Variants in STYXL1 observed in about 807,000 individuals in gnomAD.
The protein encoded by STYXL1 is serine/threonine/tyrosine-interacting-like protein 1.
A neutral mutation model predicts 36.4 loss-of-function variants in STYXL1; 32 were observed. The observed-to-expected ratio is 0.88, with a 90% CI of 0.66 to 1.18. The LOEUF is 1.18. STYXL1 is among the 50% of genes most tolerant of loss of function. The pLI, the probability that STYXL1 is intolerant of heterozygous loss-of-function variation, is 0.00. For missense variants in STYXL1, 354 were observed against 394.1 expected (o/e 0.90, Z 0.86); for synonymous variants, 133 against 144.1 (o/e 0.92, Z 0.55).
At chr7:76,039,226 G>A (rs1554581550) in intron 1 of STYXL1, among the ~76,000 whole-genome samples, 3 of 149,192 alleles carry the variant, frequency 2.0e-5, no homozygotes, top group African/African-American at 7.8e-5. Flanking sequence ...GTGAGTCACC[G>A]CACCCGGCCA....
At chr7:76,002,886 T>C (rs1791150104) in intron 7 of STYXL1, among the ~76,000 whole-genome samples, 1 of 152,070 alleles carries the variant, frequency 6.6e-6, no homozygotes, top group South Asian at 2.1e-4. Context: ...ATTGTGCCAC[T>C]ACACTCCAGC....
intron 3 of STYXL1, among the ~76,000 whole-genome samples, chr7:76,022,324 A>T (rs1794175346): frequency 6.6e-6 from 1 of 152,270 alleles, no homozygotes; most frequent in Middle Eastern, 3.4e-3. Flanking sequence ...AATTAGTGAT[A>T]TCCTTTCTCA....
chr7:76,019,927 CAAAAAAAAAAA>C (rs58018497), intron 4 of STYXL1, among the ~76,000 whole-genome samples: 1 of 82,346 alleles, frequency 1.2e-5, no homozygotes, highest in Non-Finnish European at 2.9e-5. Flanking sequence ...GACCCTGACT[CAAAAAAAAAAA>C]AAAAAAAAGA....
At chr7:76,025,032 T>C (rs1794524862) in intron 3 of STYXL1, among the ~76,000 whole-genome samples, 1 of 148,556 alleles carries the variant, frequency 6.7e-6, no homozygotes, top group South Asian at 2.1e-4. Context: ...ATGTGCATCA[T>C]AGAAGGAAAC....
At chr7:76,041,754 C>CT (rs1796493465) in intron 1 of STYXL1, among the ~76,000 whole-genome samples, 5 of 152,314 alleles carry the variant, frequency 3.3e-5, no homozygotes, top group Non-Finnish European at 5.9e-5. Flanking sequence ...AGAAAAGAGA[C>CT]TAAGACAGGC....
At chr7:76,032,613 A>T (rs1335195501) in intron 1 of STYXL1, among the ~76,000 whole-genome samples, 1 of 152,052 alleles carries the variant, frequency 6.6e-6, no homozygotes, top group Non-Finnish European at 1.5e-5. Context: ...GAGGCAGGAG[A>T]ATTTCTTGAA....
intron 3 of STYXL1, among the ~76,000 whole-genome samples, chr7:76,024,790 A>G (rs1178408464): frequency 6.6e-6 from 1 of 151,712 alleles, no homozygotes; most frequent in Non-Finnish European, 1.5e-5. Context: ...CTCTACTAAA[A>G]ATGCAAAAAT....
chr7:75,997,406 C>T (rs1321208588), intron 8 of STYXL1, among the ~76,000 whole-genome samples: 1 of 152,136 alleles, frequency 6.6e-6, no homozygotes, highest in Admixed American at 6.5e-5. Context: ...TGCACTCCAG[C>T]CTGGGTGACA....
chr7:76,042,143 C>T (rs996004044), intron 1 of STYXL1, among the ~76,000 whole-genome samples: 2 of 152,144 alleles, frequency 1.3e-5, no homozygotes, highest in Non-Finnish European at 2.9e-5. Context: ...CTGTAGAAAA[C>T]TATGTGGACT....
intron 1 of STYXL1, among the ~76,000 whole-genome samples, chr7:76,038,628 G>C (rs184183262): frequency 6.6e-6 from 1 of 151,644 alleles, no homozygotes; most frequent in South Asian, 2.1e-4. Flanking sequence ...GGGTTTCACC[G>C]TGTTAGCCAG....
intron 8 of STYXL1, among the ~76,000 whole-genome samples, chr7:75,999,708 C>T (rs1790627797): frequency 6.6e-6 from 1 of 151,972 alleles, no homozygotes; most frequent in East Asian, 2.0e-4. Flanking sequence ...CCACCACGCC[C>T]AGCTAATTTT....
chr7:76,024,818 A>T (rs959374685), intron 3 of STYXL1, among the ~76,000 whole-genome samples: 17 of 151,554 alleles, frequency 1.1e-4, no homozygotes, highest in African/African-American at 4.1e-4. Context: ...GTGTGGTGGT[A>T]TGCGCCTGTA....
At position 76,030,448 on chromosome 7, in the gene STYXL1, T is replaced by C; in HGVS notation, c.76A>G (p.Thr26Ala). The change falls in exon 2 of 9, where the codon ACA becomes GCA. Residue 26 changes from threonine to alanine, a missense_variant. Transcript: ENST00000359697. Reference sequence around the variant, plus strand: ...AATAAACAGAGATAGTTGGGGTCTGTTAATCTGGAGAGTTTTGTGGCCTGA... The same window carrying C: ...AATAAACAGAGATAGTTGGGGTCTGCTAATCTGGAGAGTTTTGTGGCCTGA... Reference protein sequence around the residue: ...LNQATKLSRLTDPNYLCLLDV... With the variant: ...LNQATKLSRLADPNYLCLLDV... 1 of 1,613,882 alleles carries C rather than the reference T, an allele frequency of 6.2e-7. No individual in the cohort carries two copies. The highest frequency in any genetic ancestry group is 1.1e-5 in the South Asian group (1 of 91,078).
chr7:76,023,557 G>C (rs1794326512), intron 3 of STYXL1, among the ~76,000 whole-genome samples: 1 of 151,764 alleles, frequency 6.6e-6, no homozygotes, highest in African/African-American at 2.4e-5. Flanking sequence ...TATATATATA[G>C]ATATATTTGT....
rs78698406 is a variant in STYXL1 at position 76,035,996 on chromosome 7, C to T, written c.-4-5469G>A. Among the ~76,000 whole-genome samples, 501 of 150,094 alleles carry T rather than the reference C, an allele frequency of 3.3e-3. 19 individuals carry two copies. The highest frequency in any genetic ancestry group is 0.012 in the African/African-American group (480 of 41,174). On this transcript the variant is annotated intron_variant, in intron 1 of 8. Transcript: ENST00000359697. ...AACAGCATGATTCCAAGAGAAGATG[C>T]ATCCCTGTGAACTGAAATTAGGGCA...
At chr7:76,004,514 G>A (rs1791403241) in intron 6 of STYXL1, among the ~76,000 whole-genome samples, 1 of 151,428 alleles carries the variant, frequency 6.6e-6, no homozygotes, top group Non-Finnish European at 1.5e-5. Flanking sequence ...GACCAGCCCA[G>A]GCAACATTTT....
chr7:76,042,390 C>CTTTTTTTTTTTTTTTTTTTT lies in STYXL1; in HGVS notation c.-5+5252_-5+5271dup, dbSNP rs528469396. On this transcript the variant is annotated intron_variant, in intron 1 of 8. Transcript: ENST00000359697. ...ACTGCTCCCTGGGTGCCCTTATGTG[C>CTTTTTTTTTTTTTTTTTTTT]TTTTTTTTTTTTTTTTTTTTTTTTT... Among the ~76,000 whole-genome samples the CTTTTTTTTTTTTTTTTTTTT allele has an allele frequency of 1.2e-4, 5 of 41,836 alleles. 2 individuals are homozygous for CTTTTTTTTTTTTTTTTTTTT. The highest frequency in any genetic ancestry group is 1.1e-4 in the Non-Finnish European group (2 of 18,874). 27.4% of individuals were successfully genotyped at this position (41,836 alleles called of 152,430 possible). A position where few individuals can be genotyped will look rare whatever the true frequency, so the allele number is the denominator to read the frequency against.
chr7:75,997,874 A>T (rs782297139), intron 8 of STYXL1, among the ~76,000 whole-genome samples: 6 of 152,202 alleles, frequency 3.9e-5, no homozygotes, highest in Non-Finnish European at 8.8e-5. Flanking sequence ...CAAAAAGAAT[A>T]AAATATTTAA....
chr7:76,042,277 C>T (rs1287545140), intron 1 of STYXL1, among the ~76,000 whole-genome samples: 5 of 151,726 alleles, frequency 3.3e-5, no homozygotes, highest in African/African-American at 1.2e-4. Context: ...TTATCCAAAC[C>T]AAATCCTCTT....
Sources: allele counts gnomAD v4.1 joint callset (sites outside exome capture counted in the v4.1 genomes callset), GRCh38; gene constraint gnomAD v4.1.1; transcripts MANE v1.5; gene names NCBI Gene and HGNC (gene_info 2026-07-23, HGNC 2026-07-21).